The following LRCH1 variants were observed in gnomAD, a reference collection of about 807,000 sequenced individuals.
LRCH1 encodes leucine-rich repeat and calponin homology domain-containing protein 1.
LRCH1 carries 23 observed loss-of-function variants against 94.9 expected under a neutral mutation model. The ratio of observed to expected loss-of-function variants is 0.24; its 90% confidence interval spans 0.17 to 0.34. The LOEUF (loss-of-function observed/expected upper bound fraction) is 0.34. LRCH1 is among the 10% of genes least tolerant of loss of function. LRCH1 has a pLI of 1.00. For synonymous variants in LRCH1, 364 were observed against 354.9 expected, an observed-to-expected ratio of 1.03 and a Z score of -0.29; for missense variants, 790 against 945.9, an observed-to-expected ratio of 0.84 and a Z score of 2.16.
chr13:46,603,428 G>A (rs1566170592), intron 1 of LRCH1, among the ~76,000 whole-genome samples: 2 of 152,038 alleles, frequency 1.3e-5, no homozygotes, highest in South Asian at 4.2e-4. Flanking sequence ...AGCTAGTGTC[G>A]CTGAGGTGTT....
At chr13:46,688,469 A>G (rs1870733893) in intron 6 of LRCH1, among the ~76,000 whole-genome samples, 1 of 152,212 alleles carries the variant, frequency 6.6e-6, no homozygotes, top group African/African-American at 2.4e-5. Context: ...TTTCAAATGG[A>G]AAAGTTAGAA....
chr13:46,614,171 G>A (rs2050779226), intron 1 of LRCH1, among the ~76,000 whole-genome samples: 1 of 151,926 alleles, frequency 6.6e-6, no homozygotes, highest in South Asian at 2.1e-4. Flanking sequence ...AATATATAAT[G>A]CAATATTATT....
chr13:46,738,453 C>T (rs780067503), intron 19 of LRCH1, among the ~76,000 whole-genome samples: 6 of 152,322 alleles, frequency 3.9e-5, no homozygotes, highest in South Asian at 2.1e-4. Flanking sequence ...GTCATAATAG[C>T]GTTCCCACTT....
chr13:46,554,574 A>T (rs2050042346), intron 1 of LRCH1, among the ~76,000 whole-genome samples: 1 of 152,238 alleles, frequency 6.6e-6, no homozygotes, highest in Non-Finnish European at 1.5e-5. Flanking sequence ...AACTCGCGCC[A>T]ATAAGCAGCA....
At chr13:46,604,495 C>T (rs1025931726) in intron 1 of LRCH1, among the ~76,000 whole-genome samples, 1 of 152,196 alleles carries the variant, frequency 6.6e-6, no homozygotes, top group Non-Finnish European at 1.5e-5. Flanking sequence ...AGTCCTAGAA[C>T]AGTTTACTTA....
At chr13:46,560,591 A>G (rs912430) in intron 1 of LRCH1, among the ~76,000 whole-genome samples, 35,064 of 152,230 alleles carry the variant, frequency 0.23, 7,021 homozygotes, top group African/African-American at 0.54. Flanking sequence ...CTATTTTTCC[A>G]TAGTGAATAA....
At chr13:46,731,818 C>A (rs1873123808) in intron 18 of LRCH1, among the ~76,000 whole-genome samples, 1 of 152,154 alleles carries the variant, frequency 6.6e-6, no homozygotes, top group Non-Finnish European at 1.5e-5. Flanking sequence ...CACCTGCCCC[C>A]CAAATCTCCT....
In LRCH1 at chr13:46,705,303, A is replaced by G. The variant is rs752889007; in HGVS notation, c.1526A>G (p.Glu509Gly). The part of the protein sequence containing the change: ...QIQLETSPVC[E>G]VQSDLTLQSN... ...CAGCTGGAGACATCTCCGGTGTGTG[A>G]GGTAAGGCTGCTGGTAGATTCACCA... The change falls in exon 13 of 20, where the codon GAG (glutamate) becomes GGG (glycine). Residue 509 changes from glutamate to glycine, a missense_variant and splice_region_variant. Transcript: ENST00000389797. 1.6e-5 allele frequency: 26 copies of G among 1,612,898 alleles called. No individual in the cohort carries two copies. In the East Asian group the frequency reaches 3.1e-4, roughly 19 times the overall value.
chr13:46,723,482 C>A (rs1872680701), intron 17 of LRCH1, 152 bp downstream of exon 17: 1 of 639,042 alleles, frequency 1.6e-6, no homozygotes, highest in Non-Finnish European at 2.7e-6. Flanking sequence ...ACTTAACAAC[C>A]CTGAGTCTGT....
chr13:46,683,843 T>C (rs1319796845), intron 4 of LRCH1, among the ~76,000 whole-genome samples: 1 of 152,236 alleles, frequency 6.6e-6, no homozygotes, highest in East Asian at 1.9e-4. Flanking sequence ...AACTTCAGTT[T>C]ACTGGAAATT....
At chr13:46,724,592 T>G (rs939987932) in intron 17 of LRCH1, among the ~76,000 whole-genome samples, 1 of 152,212 alleles carries the variant, frequency 6.6e-6, no homozygotes, top group African/African-American at 2.4e-5. Context: ...ATGGGCACTC[T>G]GTAGGTATTT....
chr13:46,591,363 T>G (rs997784366), intron 1 of LRCH1, among the ~76,000 whole-genome samples: 3 of 152,240 alleles, frequency 2.0e-5, no homozygotes, highest in Non-Finnish European at 4.4e-5. Context: ...CATTAATATC[T>G]AATTTGTTGG....
At chr13:46,554,537 T>C (rs2050041673) in intron 1 of LRCH1, among the ~76,000 whole-genome samples, 1 of 152,194 alleles carries the variant, frequency 6.6e-6, no homozygotes, top group Admixed American at 6.5e-5. Context: ...CGTGAGCCTG[T>C]TTTCCTGTGT....
At chr13:46,614,492 A>G (rs2050783415) in intron 1 of LRCH1, among the ~76,000 whole-genome samples, 1 of 152,244 alleles carries the variant, frequency 6.6e-6, no homozygotes, top group African/African-American at 2.4e-5. Context: ...TTCATAAAAG[A>G]TCAAAAAACC....
At chr13:46,682,500 T>C (rs971781360) in intron 4 of LRCH1, among the ~76,000 whole-genome samples, 5 of 152,130 alleles carry the variant, frequency 3.3e-5, no homozygotes, top group Non-Finnish European at 7.4e-5. Flanking sequence ...AGGGGTGACA[T>C]GAATTGTTTT....
At chr13:46,660,963 A>C (rs937408003) in intron 2 of LRCH1, among the ~76,000 whole-genome samples, 1 of 152,060 alleles carries the variant, frequency 6.6e-6, no homozygotes, top group African/African-American at 2.4e-5. Flanking sequence ...GTTTCTGTTC[A>C]TGCTCCTACT....
At chr13:46,589,938 G>A (rs1236299638) in intron 1 of LRCH1, among the ~76,000 whole-genome samples, 1 of 149,272 alleles carries the variant, frequency 6.7e-6, no homozygotes, top group Non-Finnish European at 1.5e-5. Context: ...TTTAGAAAGA[G>A]ACCAGGCCAC....
At chr13:46,629,162 G>C (rs571336753) in intron 1 of LRCH1, among the ~76,000 whole-genome samples, 13 of 152,188 alleles carry the variant, frequency 8.5e-5, no homozygotes, top group Non-Finnish European at 1.8e-4. Context: ...TTCCAGGGCT[G>C]CCTAGGGGCA....
chr13:46,630,096 C>T (rs2051000442), intron 1 of LRCH1, among the ~76,000 whole-genome samples: 1 of 152,204 alleles, frequency 6.6e-6, no homozygotes, highest in Non-Finnish European at 1.5e-5. Flanking sequence ...ATTCTTGGAA[C>T]CACAGGGCAA....
Sources: allele counts gnomAD v4.1 joint callset (sites outside exome capture counted in the v4.1 genomes callset), GRCh38; gene constraint gnomAD v4.1.1; transcripts MANE v1.5; gene names NCBI Gene and HGNC (gene_info 2026-07-23, HGNC 2026-07-21).